Variants in PTPRR observed in about 807,000 individuals in gnomAD.
The protein encoded by PTPRR is protein tyrosine phosphatase receptor type R.
PTPRR carries 38 observed loss-of-function variants against 77.2 expected under a neutral mutation model. The ratio of observed to expected loss-of-function variants is 0.49; its 90% CI spans 0.38 to 0.65. The LOEUF (loss-of-function observed/expected upper bound fraction) is 0.65, where lower values mean the gene tolerates loss of function less well. Among genes scored for constraint, PTPRR ranks in the 30% least tolerant of loss-of-function variants. The probability of loss-of-function intolerance (pLI) is 0.00; values close to 1 mark genes in which losing one functional copy is unlikely to be tolerated. For synonymous variants in PTPRR, 299 were observed against 283.1 expected, an observed-to-expected ratio of 1.06 and a Z score of -0.57; for missense variants, 744 against 799.2, an observed-to-expected ratio of 0.93 and a Z score of 0.83.
chr12:70,818,569 T>C (rs1445446197), intron 2 of PTPRR, among the ~76,000 whole-genome samples: 1 of 152,186 alleles, frequency 6.6e-6, no homozygotes, highest in African/African-American at 2.4e-5. Context: ...TTATGTAGAA[T>C]GAGGCTAATA....
intron 2 of PTPRR, among the ~76,000 whole-genome samples, chr12:70,880,536 G>A (rs543001782): frequency 2.6e-5 from 4 of 152,046 alleles, no homozygotes; most frequent in East Asian, 1.9e-4. Context: ...AGCACTATCC[G>A]AAATTATCAT....
At chr12:70,781,684 A>G (rs10879194) in intron 2 of PTPRR, among the ~76,000 whole-genome samples, 57,747 of 152,080 alleles carry the variant, frequency 0.38, 13,428 homozygotes, top group African/African-American at 0.65. Context: ...AAGAGGTGAA[A>G]GAGTGAGGTA....
intron 2 of PTPRR, among the ~76,000 whole-genome samples, chr12:70,783,728 T>C (rs1218755599): frequency 6.6e-6 from 1 of 152,072 alleles, no homozygotes; most frequent in Non-Finnish European, 1.5e-5. Context: ...CTGCCTCCCA[T>C]GGCTATCCAT....
At chr12:70,754,141 T>A (rs748756932) in intron 5 of PTPRR, 50 bp downstream of exon 5, 7 of 1,534,434 alleles carry the variant, frequency 4.6e-6, no homozygotes, top group Non-Finnish European at 5.4e-6. Context: ...CCCACTAATA[T>A]CAAGCAGTGG....
intron 6 of PTPRR, among the ~76,000 whole-genome samples, chr12:70,735,138 G>C (rs965344068): frequency 5.1e-4 from 77 of 152,140 alleles, no homozygotes; most frequent in African/African-American, 1.8e-3. Context: ...CACTGTTCAT[G>C]AAGGGCTTGT....
At chr12:70,659,003 A>G (rs1886694797) in intron 12 of PTPRR, among the ~76,000 whole-genome samples, 1 of 148,236 alleles carries the variant, frequency 6.7e-6, no homozygotes, top group African/African-American at 2.5e-5. Flanking sequence ...CCTCGGTTCA[A>G]GCGATTCTCC....
At chr12:70,691,045 A>G (rs1888038089) in intron 8 of PTPRR, among the ~76,000 whole-genome samples, 1 of 152,056 alleles carries the variant, frequency 6.6e-6, no homozygotes, top group Non-Finnish European at 1.5e-5. Context: ...AGTTCTATAT[A>G]TCCTTCTCTA....
intron 2 of PTPRR, among the ~76,000 whole-genome samples, chr12:70,778,627 C>T (rs1891138536): frequency 6.6e-6 from 1 of 151,944 alleles, no homozygotes; most frequent in South Asian, 2.1e-4. Context: ...TGCACTCTGT[C>T]CTTATGTTTT....
intron 8 of PTPRR, among the ~76,000 whole-genome samples, chr12:70,694,821 T>G (rs1888174891): frequency 2.0e-5 from 3 of 152,266 alleles, no homozygotes; most frequent in South Asian, 4.1e-4. Context: ...AATAAAAAAT[T>G]TAAACTTATT....
intron 10 of PTPRR, among the ~76,000 whole-genome samples, chr12:70,678,151 C>T (rs1424769923): frequency 6.6e-6 from 1 of 152,138 alleles, no homozygotes; most frequent in African/African-American, 2.4e-5. Flanking sequence ...AGTGATTCTC[C>T]TGCCTCAGCT....
chr12:70,893,168 C>T (rs1308284702), intron 1 of PTPRR, among the ~76,000 whole-genome samples, 191 bp from the exon 2 acceptor site: 1 of 150,524 alleles, frequency 6.6e-6, no homozygotes, highest in Non-Finnish European at 1.5e-5. Context: ...ATGAAGGCCT[C>T]TCAAAGACTT....
chr12:70,723,876 G>A (rs1224999113), intron 6 of PTPRR, among the ~76,000 whole-genome samples: 1 of 152,008 alleles, frequency 6.6e-6, no homozygotes, highest in Non-Finnish European at 1.5e-5. Context: ...ACAGAAACTT[G>A]TTAAGCACCT....
intron 8 of PTPRR, among the ~76,000 whole-genome samples, chr12:70,695,436 T>C (rs757110188): frequency 2.0e-5 from 3 of 152,100 alleles, no homozygotes; most frequent in African/African-American, 4.8e-5. Flanking sequence ...CAGAGGGTGG[T>C]GGGTGGGGCA....
At chr12:70,706,084 T>C (rs1347108813) in intron 6 of PTPRR, among the ~76,000 whole-genome samples, 1 of 152,026 alleles carries the variant, frequency 6.6e-6, no homozygotes, top group African/African-American at 2.4e-5. Flanking sequence ...GAGACAAAAG[T>C]GGAGAAATGG....
chr12:70,814,972 C>T (rs1891874719), intron 2 of PTPRR, among the ~76,000 whole-genome samples: 3 of 151,564 alleles, frequency 2.0e-5, no homozygotes. Context: ...GAAAATAAAA[C>T]CAATAATGCA....
chr12:70,848,351 T>C (rs960081098), intron 2 of PTPRR, among the ~76,000 whole-genome samples: 7 of 152,330 alleles, frequency 4.6e-5, no homozygotes, highest in African/African-American at 1.2e-4. Context: ...TTTTTTGAGA[T>C]GGAGTCTTGC....
intron 2 of PTPRR, among the ~76,000 whole-genome samples, chr12:70,837,414 A>G (rs1471909238): frequency 6.6e-6 from 1 of 152,064 alleles, no homozygotes; most frequent in Non-Finnish European, 1.5e-5. Context: ...CTGAGAATAC[A>G]GTAATAACAA....
intron 2 of PTPRR, among the ~76,000 whole-genome samples, chr12:70,820,657 C>T (rs1891991374): frequency 6.6e-6 from 1 of 152,152 alleles, no homozygotes; most frequent in Non-Finnish European, 1.5e-5. Flanking sequence ...GAGGTCTCAT[C>T]CTTGGGCTCT....
intron 2 of PTPRR, among the ~76,000 whole-genome samples, chr12:70,825,944 T>A (rs919273538): frequency 2.0e-5 from 3 of 152,244 alleles, no homozygotes; most frequent in African/African-American, 7.2e-5. Flanking sequence ...ACTCTTTTTA[T>A]AACATATTTT....
Sources: allele counts gnomAD v4.1 joint callset (sites outside exome capture counted in the v4.1 genomes callset), GRCh38; gene constraint gnomAD v4.1.1; transcripts MANE v1.5; gene names NCBI Gene and HGNC (gene_info 2026-07-23, HGNC 2026-07-21).